NOTCH3: variants seen among roughly 807,000 people sequenced by gnomAD.
NOTCH3 encodes neurogenic locus notch homolog protein 3.
A neutral mutation model predicts 213.3 loss-of-function variants in NOTCH3; 86 were observed. The ratio of observed to expected loss-of-function variants is 0.40; its 90% CI spans 0.34 to 0.48. The LOEUF (loss-of-function observed/expected upper bound fraction) is 0.48, where lower values mean the gene tolerates loss of function less well. Ranked by LOEUF, NOTCH3 falls within the 20% of genes least tolerant of loss-of-function variation. NOTCH3 has a pLI of 0.57. For synonymous variants in NOTCH3, 1,354 were observed against 1,355.9 expected, an observed-to-expected ratio of 1.00 and a Z score of 0.03; for missense variants, 2,783 against 3,272.6, an observed-to-expected ratio of 0.85 and a Z score of 3.65.
Position 15,192,032 on chromosome 19 carries a change from G to A in NOTCH3, c.607C>T (p.Pro203Ser). The change falls in exon 4 of 33, where the codon CCC becomes TCC. Residue 203 changes from proline to serine, a missense_variant. Physicochemically the swap from Pro to Ser is moderately conservative, Grantham distance 74. Coordinates refer to ENST00000263388, the MANE Select transcript of NOTCH3 (RefSeq NM_000435.3). ...LCENPAVPCA[P>S]SPCRNGGTCR... is the part of the protein sequence containing the mutation. Reference sequence around the variant, plus strand: ...GTGCCCCCGTTACGGCATGGTGAGGGTGCACAGGGCACCGCGGGGTTCTCA... The same window carrying A: ...GTGCCCCCGTTACGGCATGGTGAGGATGCACAGGGCACCGCGGGGTTCTCA... 6.2e-7 allele frequency: 1 copy of A among 1,613,186 alleles called. No individual in the cohort carries two copies. The highest frequency in any genetic ancestry group is 8.5e-7 in the Non-Finnish European group (1 of 1,179,964).
rs1477067931 is a variant in NOTCH3, at chr19:15,173,076, T to C, written c.4736+992A>G. On this transcript the variant is annotated intron_variant, in intron 25 of 32. Coordinates refer to ENST00000263388, the MANE Select transcript of NOTCH3 (RefSeq NM_000435.3). ...TCCCTCTTCTTCTTCTTCTTCTTCTTCTTCTTCTTCTTCTTCTTCTTCTTC... is the reference window on the plus strand; with the variant it reads ...TCCCTCTTCTTCTTCTTCTTCTTCTCCTTCTTCTTCTTCTTCTTCTTCTTC... 4.5e-4 allele frequency among the ~76,000 whole-genome samples: 15 copies of C among 33,198 alleles called. 3 individuals are homozygous for C. The highest frequency in any genetic ancestry group is 2.5e-3 in the African/African-American group (14 of 5,694). 21.8% of individuals were successfully genotyped at this position (33,198 alleles called of 152,430 possible).
chr19:15,170,442 T>G lies in NOTCH3; in HGVS notation c.5003A>C (p.Lys1668Thr), dbSNP rs1249492231. Residue 1668 changes from lysine (K) to threonine (T), a missense_variant, in exon 27 of 33, where the codon AAG (lysine) becomes ACG (threonine). Physicochemically the swap from Lys to Thr is moderately conservative, Grantham distance 78 (BLOSUM62 -1). Coordinates refer to ENST00000263388, the MANE Select transcript of NOTCH3 (RefSeq NM_000435.3). Reference sequence around the variant, plus strand: ...GAACCAGAGGGTGCTGTGCTCGCGCTTGCGCCGGGCCACCATGACACCCAG... The same window carrying G: ...GAACCAGAGGGTGCTGTGCTCGCGCGTGCGCCGGGCCACCATGACACCCAG... The part of the protein sequence containing the change: ...LVLGVMVARR[K>T]REHSTLWFPE... The G allele has an allele frequency of 6.2e-7, 1 of 1,611,334 alleles. No homozygotes were observed. Among genetic ancestry groups the G allele is most frequent in the East Asian group, 2.2e-5 (1 of 44,876 alleles).
In NOTCH3 at chr19:15,197,531, T is replaced by G. The variant is rs2145451174; in HGVS notation, c.166A>C (p.Thr56Pro). 6.9e-7 allele frequency: 1 copy of G among 1,440,106 alleles called. No homozygotes were observed. The highest frequency in any genetic ancestry group is 3.4e-5 in the East Asian group (1 of 29,572). The allele number at this position is 1,440,106 out of a possible 1,614,324, so 89.2% of individuals were successfully genotyped here. Reference protein sequence around the residue: ...GSPCANGGRCTQLPSREAACL... With the variant: ...GSPCANGGRCPQLPSREAACL... ...GCAGCCTCCCGGGAGGGCAGCTGGGTGCAACGACCTCCATTTGCACACGGG... is the reference window on the plus strand; with the variant it reads ...GCAGCCTCCCGGGAGGGCAGCTGGGGGCAACGACCTCCATTTGCACACGGG... The change falls in exon 2 of 33, where the codon ACC (threonine) becomes CCC (proline). Residue 56 changes from threonine to proline, a missense_variant. Physicochemically the swap from Thr to Pro is conservative, Grantham distance 38. Transcript: ENST00000263388.
intron 29 of NOTCH3, among the ~76,000 whole-genome samples, chr19:15,166,843 T>C (rs2046690168): frequency 6.6e-6 from 1 of 152,190 alleles, no homozygotes; most frequent in Non-Finnish European, 1.5e-5. Flanking sequence ...AAGACAGGTA[T>C]GTGAATCAGG....
chr19:15,193,963 TC>T, intron 2 of NOTCH3, among the ~76,000 whole-genome samples: 1 of 151,050 alleles, frequency 6.6e-6, no homozygotes, highest in East Asian at 2.0e-4. Flanking sequence ...ACTCGTGTAG[TC>T]CCCGCTACTC....
intron 2 of NOTCH3, among the ~76,000 whole-genome samples, chr19:15,195,862 TTC>T (rs2046965938): frequency 6.6e-6 from 1 of 150,918 alleles, no homozygotes; most frequent in Non-Finnish European, 1.5e-5. Flanking sequence ...GTCGGGCCGG[TTC>T]CAGCCCCAGC....
At chr19:15,167,552 TTGG>T in intron 28 of NOTCH3, 141 bp from the exon 29 acceptor site, 2 of 680,888 alleles carry the variant, frequency 2.9e-6, no homozygotes, top group Non-Finnish European at 2.3e-6. Flanking sequence ...TACCATCTGT[TTGG>T]TGTTTTATTT....
At chr19:15,170,646 C>T in intron 26 of NOTCH3, 25 bp downstream of exon 26, 1 of 1,550,828 alleles carries the variant, frequency 6.4e-7, no homozygotes, top group Non-Finnish European at 8.7e-7. Flanking sequence ...GCCCCCGCCA[C>T]CCCCTCCCCA....
chr19:15,187,064 C>T (rs765360213), intron 11 of NOTCH3, 41 bp downstream of exon 11: 2 of 1,606,888 alleles, frequency 1.2e-6, no homozygotes, highest in Non-Finnish European at 8.5e-7. Flanking sequence ...CCCTCTGTGC[C>T]CCTCCAGGTG....
intron 2 of NOTCH3, 76 bp from the exon 3 acceptor site, chr19:15,192,595 A>T: frequency 6.6e-7 from 1 of 1,523,682 alleles, no homozygotes; most frequent in East Asian, 2.5e-5. Context: ...CAAGACAGGC[A>T]AGAAACACGC....
At chr19:15,197,441 G>GGGGGGGGGCCCCCCCC in intron 2 of NOTCH3, 59 bp downstream of exon 2, 1 of 768,364 alleles carries the variant, frequency 1.3e-6, no homozygotes, top group Non-Finnish European at 2.3e-6. Context: ...AAGACAAATC[G>GGGGGGGGGCCCCCCCC]CCCCTCCCCC....
intron 31 of NOTCH3, among the ~76,000 whole-genome samples, chr19:15,164,055 G>GGCTT (rs1213398825): frequency 6.6e-6 from 1 of 152,134 alleles, no homozygotes; most frequent in Non-Finnish European, 1.5e-5. Flanking sequence ...ACAGATGAGG[G>GGCTT]GCTTGGCAGA....
chr19:15,170,624 G>GGC, intron 26 of NOTCH3, 47 bp downstream of exon 26: 1 of 1,546,340 alleles, frequency 6.5e-7, no homozygotes, highest in Non-Finnish European at 8.7e-7. Context: ...GGCTTCGGCC[G>GGC]CCCCCAGCTC....
At chr19:15,187,452 G>T in intron 10 of NOTCH3, 114 bp from the exon 11 acceptor site, 2 of 889,304 alleles carry the variant, frequency 2.2e-6, no homozygotes, top group Non-Finnish European at 3.4e-6. Flanking sequence ...CAAGCTGTCA[G>T]GAGGCGAGCT....
Position 15,159,618 on chromosome 19 carries a change from A to T in NOTCH3, c.*1044T>A. 1 of 229,346 alleles carries T rather than the reference A, an allele frequency of 4.4e-6. No homozygotes were observed. Among genetic ancestry groups the T allele is most frequent in the East Asian group, 6.2e-5 (1 of 16,146 alleles). 14.2% of individuals were successfully genotyped at this position (229,346 alleles called of 1,614,324 possible). On this transcript the variant is annotated 3_prime_UTR_variant, in exon 33 of 33. Transcript: ENST00000263388. The stretch of plus-strand genomic sequence containing the variant: ...CCACCACTCCCCACCTTACCTAGAC[A>T]CAGACCAACAACACTGAGTGTTAAC...
intron 25 of NOTCH3, among the ~76,000 whole-genome samples, chr19:15,173,824 A>G (rs1238569419): frequency 2.0e-5 from 3 of 150,616 alleles, no homozygotes; most frequent in Non-Finnish European, 4.4e-5. Context: ...CTACACATGT[A>G]TTTAACCACT....
At position 15,161,517 on chromosome 19, in the gene NOTCH3, G is replaced by C; in HGVS notation, c.6111C>G (p.His2037Gln). 6.3e-7 allele frequency: 1 copy of C among 1,596,996 alleles called. No individual in the cohort carries two copies. Among genetic ancestry groups the C allele is most frequent in the Non-Finnish European group, 8.5e-7 (1 of 1,171,952 alleles). The change falls in exon 33 of 33, where the codon CAC (histidine) becomes CAG (glutamine). Residue 2037 changes from histidine (H) to glutamine (Q), a missense_variant. This residue lies in a region of NOTCH3 where 441 missense variants were observed against 432.1 expected (regional missense o/e 1.02). Transcript: ENST00000263388. ...PSGPRSPPGP[H>Q]GLGPLLCPPG... ...GAGGACAGAGCAGAGGCCCCAGGCC[G>C]TGGGGACCGGGGGGGCTGCGGGGCC...
Position 15,185,693 on chromosome 19 carries a change from A to G in NOTCH3, c.1952-14T>C. 4 of 1,612,350 alleles carry G rather than the reference A, an allele frequency of 2.5e-6. No homozygotes were observed. The highest frequency in any genetic ancestry group is 3.4e-6 in the Non-Finnish European group (4 of 1,179,916). On this transcript the variant is annotated splice_polypyrimidine_tract_variant and intron_variant, in intron 12 of 32. Coordinates refer to ENST00000263388, the MANE Select transcript of NOTCH3 (RefSeq NM_000435.3). This position sits in a 1 kb window ranked among gnomAD's most constrained non-coding sequence, Gnocchi z 4.2. ...TACAAAGGGGCCCTGGGGAGTACAC[A>G]AGCAATCTCATCTCAGAACAAAGTC...
rs958354298 is a variant in NOTCH3 at position 15,178,090 on chromosome 19, G to A, written c.3838C>T (p.Pro1280Ser). ...GLTFTCHCAQPFWGPRCERVA... is the reference protein window; with the variant it reads ...GLTFTCHCAQSFWGPRCERVA... ...CGCTCGCAACGCGGACCCCAGAACGGCTGGGGGTCGGGTTTGGGGAGGGAG... is the reference window on the plus strand; with the variant it reads ...CGCTCGCAACGCGGACCCCAGAACGACTGGGGGTCGGGTTTGGGGAGGGAG... Residue 1280 changes from proline (P) to serine (S), a missense_variant and splice_region_variant, in exon 24 of 33, where the codon CCG (proline) becomes TCG (serine). This residue lies in a region of NOTCH3 where 861 missense variants were observed against 909.1 expected (regional missense o/e 0.95). Transcript: ENST00000263388. 67 of 1,518,770 alleles carry A rather than the reference G, an allele frequency of 4.4e-5. No homozygotes were observed. The highest frequency in any genetic ancestry group is 5.6e-5 in the Non-Finnish European group (64 of 1,138,212). The allele number at this position is 1,518,770 out of a possible 1,614,324, so 94.1% of individuals were successfully genotyped here.
Sources: allele counts gnomAD v4.1 joint callset (sites outside exome capture counted in the v4.1 genomes callset), GRCh38; gene constraint gnomAD v4.1.1; regional missense constraint gnomAD v4.1.1; non-coding constraint Gnocchi (gnomAD v3.1); transcripts MANE v1.5; gene names NCBI Gene and HGNC (gene_info 2026-07-23, HGNC 2026-07-21).